Variants in PPP1R21 observed in about 807,000 individuals in gnomAD.
The protein encoded by PPP1R21 is protein phosphatase 1 regulatory subunit 21.
A neutral mutation model predicts 112.8 loss-of-function variants in PPP1R21; 85 were observed. The observed-to-expected ratio is 0.75, with a 90% CI of 0.63 to 0.90. The LOEUF (loss-of-function observed/expected upper bound fraction) is 0.90. PPP1R21 is among the 40% of genes least tolerant of loss of function. The probability of loss-of-function intolerance (pLI) is 0.00; values close to 1 mark genes in which losing one functional copy is unlikely to be tolerated. For synonymous variants in PPP1R21, 381 were observed against 322.3 expected (o/e 1.18, Z -1.95); for missense variants, 1,199 against 901.5 (o/e 1.33, Z -4.23).
At chr2:48,480,050 T>C in intron 13 of PPP1R21, 34 bp downstream of exon 13, 1 of 1,384,208 alleles carries the variant, frequency 7.2e-7, no homozygotes, top group South Asian at 1.2e-5. Flanking sequence ...GCTTAAAACC[T>C]TTGCCCCACT....
Position 48,491,132 on chromosome 2 carries a change from A to C in PPP1R21, c.1561A>C (p.Lys521Gln). 6.2e-7 allele frequency: 1 copy of C among 1,614,006 alleles called. No individual in the cohort carries two copies. Among genetic ancestry groups the C allele is most frequent in the Admixed American group, 1.7e-5 (1 of 59,976 alleles). The part of the protein sequence containing the change: ...PLSAECMLQY[K>Q]KKAAAYMKSL... ...TTCAGCTGAATGCATGCTACAGTAT[A>C]AGAAAAAAGCTGCTGCCTATATGAA... The change falls in exon 15 of 22, where the codon AAG (lysine) becomes CAG (glutamine). Residue 521 changes from lysine (K) to glutamine (Q), a missense_variant. By Grantham distance (53) the Lys-to-Gln change is moderately conservative. Transcript: ENST00000294952.
chr2:48,455,629 A>G (rs933477134), intron 3 of PPP1R21, among the ~76,000 whole-genome samples: 1 of 152,218 alleles, frequency 6.6e-6, no homozygotes, highest in East Asian at 1.9e-4. Flanking sequence ...TATATTAGCT[A>G]AAATTTTTGA....
intron 9 of PPP1R21, among the ~76,000 whole-genome samples, chr2:48,468,392 C>T (rs1305522972): frequency 6.6e-6 from 1 of 152,202 alleles, no homozygotes; most frequent in Admixed American, 6.5e-5. Context: ...AAAAATTAAA[C>T]ATTGGGCCTT....
At chr2:48,474,911 G>A (rs1195348130) in intron 12 of PPP1R21, 92 bp downstream of exon 12, 4 of 1,079,100 alleles carry the variant, frequency 3.7e-6, no homozygotes, top group East Asian at 4.9e-5. Context: ...TAGAGTGAGA[G>A]GAGCATAGGA....
intron 15 of PPP1R21, among the ~76,000 whole-genome samples, chr2:48,495,103 A>G (rs1232304319): frequency 6.6e-6 from 1 of 152,246 alleles, no homozygotes; most frequent in African/African-American, 2.4e-5. Context: ...CAAAAATATG[A>G]TTTCTACTGA....
Position 48,440,946 on chromosome 2 carries a change from G to A in PPP1R21, c.-8G>A. On this transcript the variant is annotated 5_prime_UTR_variant, in exon 1 of 22. Transcript: ENST00000294952. ...GGGCGGCCTGGCCTGTACGGGGCGGGGGAGGCCATGGCCTCGGCTGAGTTG... is the reference window on the plus strand; with the variant it reads ...GGGCGGCCTGGCCTGTACGGGGCGGAGGAGGCCATGGCCTCGGCTGAGTTG... 6.2e-7 allele frequency: 1 copy of A among 1,604,926 alleles called. No individual in the cohort carries two copies. Among genetic ancestry groups the A allele is most frequent in the Non-Finnish European group, 8.5e-7 (1 of 1,173,336 alleles).
Position 48,440,836 on chromosome 2 carries a change from T to TGCGGTGGCC in PPP1R21, c.-117_-109dup. The TGCGGTGGCC allele has an allele frequency of 4.7e-6, 3 of 644,416 alleles. No homozygotes were observed. Among genetic ancestry groups the TGCGGTGGCC allele is most frequent in the Non-Finnish European group, 5.1e-6 (2 of 390,896 alleles). The allele number at this position is 644,416 out of a possible 1,614,324, so 39.9% of individuals were successfully genotyped here. ...GCGCGGCGGCGGCGGCGGCGGCGGC[T>TGCGGTGGCC]GCGGTGGCCAAGCAGGCAGATACTG... On this transcript the variant is annotated 5_prime_UTR_variant, in exon 1 of 22. Coordinates refer to ENST00000294952, the MANE Select transcript of PPP1R21 (RefSeq NM_001135629.3).
At chr2:48,507,195 T>C in intron 18 of PPP1R21, 74 bp from the exon 19 acceptor site, 1 of 1,244,500 alleles carries the variant, frequency 8.0e-7, no homozygotes, top group Non-Finnish European at 1.0e-6. Flanking sequence ...ATGTTGTCTT[T>C]TTTTTTTTTT....
At chr2:48,514,665 T>G (rs1670794120) in intron 21 of PPP1R21, 50 bp from the exon 22 acceptor site, 5 of 1,343,078 alleles carry the variant, frequency 3.7e-6, no homozygotes, top group Admixed American at 1.7e-5. Context: ...CTATGTGAGT[T>G]ATTTTTTTTT....
At chr2:48,479,892 A>G in intron 12 of PPP1R21, 32 bp from the exon 13 acceptor site, 1 of 1,379,694 alleles carries the variant, frequency 7.2e-7, no homozygotes, top group South Asian at 1.2e-5. Flanking sequence ...TTTTTCAGGA[A>G]AATGCTTAGA....
At chr2:48,482,475 A>G (rs1669059957) in intron 13 of PPP1R21, among the ~76,000 whole-genome samples, 1 of 152,200 alleles carries the variant, frequency 6.6e-6, no homozygotes, top group African/African-American at 2.4e-5. Flanking sequence ...GTATAGCATC[A>G]CAGCCTATGA....
At chr2:48,468,220 T>A (rs1433396752) in intron 9 of PPP1R21, among the ~76,000 whole-genome samples, 1 of 152,188 alleles carries the variant, frequency 6.6e-6, no homozygotes, top group African/African-American at 2.4e-5. Flanking sequence ...AATAAGATAA[T>A]ACATGTAAAG....
chr2:48,447,408 G>T (rs1415696987), intron 1 of PPP1R21, among the ~76,000 whole-genome samples: 1 of 152,174 alleles, frequency 6.6e-6, no homozygotes, highest in African/African-American at 2.4e-5. Context: ...CCCACTGAAT[G>T]GAACAGAAGA....
intron 11 of PPP1R21, among the ~76,000 whole-genome samples, chr2:48,471,962 G>A (rs761162395): frequency 6.6e-5 from 10 of 151,950 alleles, no homozygotes; most frequent in African/African-American, 1.2e-4. Context: ...AATCAAGGCC[G>A]GGCGCAGTGG....
Position 48,498,661 on chromosome 2 carries a change from G to C in PPP1R21, c.1861G>C (p.Ala621Pro). The change falls in exon 17 of 22, where the codon GCT (alanine) becomes CCT (proline). Residue 621 changes from alanine (A) to proline (P), a missense_variant. By Grantham distance (27) the Ala-to-Pro change is conservative (BLOSUM62 -1). Coordinates refer to ENST00000294952, the MANE Select transcript of PPP1R21 (RefSeq NM_001135629.3). ...GGTTGGGCTGGCCCAGGAAAATGCT[G>C]CTGTGTCAAATACTGCTGGCCAGGA... The part of the protein sequence containing the change: ...QLVGLAQENA[A>P]VSNTAGQDEA... The C allele has an allele frequency of 6.2e-7, 1 of 1,614,250 alleles. No individual in the cohort carries two copies. The highest frequency in any genetic ancestry group is 8.5e-7 in the Non-Finnish European group (1 of 1,180,036).
intron 17 of PPP1R21, among the ~76,000 whole-genome samples, chr2:48,502,676 CTTTTTTT>C (rs762811938): frequency 3.2e-5 from 3 of 94,042 alleles, no homozygotes; most frequent in African/African-American, 1.2e-4. Flanking sequence ...AGAAACTTTT[CTTTTTTT>C]TTTTTTTTTT....
chr2:48,464,871 G>A, intron 7 of PPP1R21, 66 bp from the exon 8 acceptor site: 2 of 1,222,370 alleles, frequency 1.6e-6, no homozygotes. Context: ...TCATTATTTT[G>A]CATTTAAGTT....
intron 16 of PPP1R21, among the ~76,000 whole-genome samples, chr2:48,498,089 A>T (rs1172145769): frequency 6.6e-6 from 1 of 151,908 alleles, no homozygotes; most frequent in Admixed American, 6.6e-5. Flanking sequence ...ATTTGTTTAT[A>T]GTCTTGTTCA....
At chr2:48,450,485 G>A (rs1421278085) in intron 1 of PPP1R21, among the ~76,000 whole-genome samples, 1 of 152,212 alleles carries the variant, frequency 6.6e-6, no homozygotes, top group East Asian at 1.9e-4. Context: ...CCCAGCTGAT[G>A]CCCGAGGCCA....
Sources: gnomAD v4.1 joint callset for allele counts (sites outside exome capture counted in the v4.1 genomes callset) on GRCh38, gnomAD v4.1.1 for gene constraint, MANE v1.5 for transcripts, NCBI Gene and HGNC (gene_info 2026-07-23, HGNC 2026-07-21) for gene names.